KIFBP: variants seen among roughly 807,000 people sequenced by gnomAD.
KIFBP encodes KIF-binding protein.
A neutral mutation model predicts 58.9 loss-of-function variants in KIFBP; 46 were observed. The ratio of observed to expected loss-of-function variants is 0.78; its 90% CI spans 0.62 to 1.00. The LOEUF is 1.00. Ranked by LOEUF, KIFBP falls within the 50% of genes least tolerant of loss-of-function variation. KIFBP has a pLI of 0.00. For missense variants in KIFBP, 651 were observed against 752.9 expected (o/e 0.86, Z 1.58); for synonymous variants, 241 against 283.4 (o/e 0.85, Z 1.50).
At position 69,002,228 on chromosome 10, in the gene KIFBP, C is replaced by T. The variant is rs188413353; in HGVS notation, c.525+1706C>T. ...AGGCTGGAGTGCAGTGGCGTGATCTCGGCTCACTGCAACCTCCACCTCTTG... is the reference window on the plus strand; with the variant it reads ...AGGCTGGAGTGCAGTGGCGTGATCTTGGCTCACTGCAACCTCCACCTCTTG... On this transcript the variant is annotated intron_variant, in intron 2 of 6. Coordinates refer to ENST00000361983, the MANE Select transcript of KIFBP (RefSeq NM_015634.4). Among the ~76,000 whole-genome samples the T allele has an allele frequency of 4.7e-4, 71 of 151,438 alleles. No homozygotes were observed. The Middle Eastern group carries it at 0.017, about 36-fold the overall frequency.
rs758386573 is a variant in KIFBP at position 69,005,846 on chromosome 10, G to A, written c.720G>A (p.Glu240=). ...YCHSTLKRQL[E]HNAYHPIEWA... is the part of the protein sequence containing the mutation. ...ATAGTACACTAAAACGCCAGCTTGA[G>A]CACAATGCCTACCATCCTATAGAGT... is the stretch of plus-strand genomic sequence containing the variant. The change falls in exon 4 of 7, where the codon GAG becomes GAA. Residue 240 remains glutamate (E), a synonymous_variant. Transcript: ENST00000361983. 6.2e-7 allele frequency: 1 copy of A among 1,614,116 alleles called. No individual in the cohort carries two copies. Among genetic ancestry groups the A allele is most frequent in the Non-Finnish European group, 8.5e-7 (1 of 1,180,026 alleles).
chr10:69,003,231 CATAAA>C (rs1186369001), intron 2 of KIFBP, among the ~76,000 whole-genome samples: 3 of 152,080 alleles, frequency 2.0e-5, no homozygotes. Context: ...GAAGTATGTA[CATAAA>C]ATAATATATT....
chr10:69,008,391 A>AAAATATATATATATATATAT, intron 4 of KIFBP, among the ~76,000 whole-genome samples: 1 of 71,586 alleles, frequency 1.4e-5, no homozygotes, highest in African/African-American at 7.8e-5. Flanking sequence ...AAAAAAAAAA[A>AAAATATATATATATATATAT]ATATATATAT....
At chr10:69,010,784 T>G in intron 5 of KIFBP, 116 bp from the exon 6 acceptor site, 1 of 723,600 alleles carries the variant, frequency 1.4e-6, no homozygotes, top group East Asian at 2.7e-5. Flanking sequence ...GCCCCCTGCT[T>G]CAGTAAAGAT....
Position 69,016,231 on chromosome 10 carries a change from G to C in KIFBP, c.1681G>C (p.Asp561His). Residue 561 changes from aspartate (D) to histidine (H), a missense_variant, in exon 7 of 7, where the codon GAT (aspartate) becomes CAT (histidine). By Grantham distance (81) the Asp-to-His change is moderately conservative (BLOSUM62 -1). Transcript: ENST00000361983. ...ARLYGKIITA[D>H]PKKELENLAT... ...TCTCTATGGCAAAATCATTACTGCAGATCCCAAGAAAGAGCTGGAAAATTT... is the reference window on the plus strand; with the variant it reads ...TCTCTATGGCAAAATCATTACTGCACATCCCAAGAAAGAGCTGGAAAATTT... 1 of 1,606,734 alleles carries C rather than the reference G, an allele frequency of 6.2e-7. No individual in the cohort carries two copies. The highest frequency in any genetic ancestry group is 1.7e-4 in the Middle Eastern group (1 of 5,996).
At chr10:69,001,634 C>T (rs974217181) in intron 2 of KIFBP, among the ~76,000 whole-genome samples, 1 of 152,098 alleles carries the variant, frequency 6.6e-6, no homozygotes, top group African/African-American at 2.4e-5. Flanking sequence ...CGCCTGTAGT[C>T]CCAGCTACTC....
At chr10:68,992,682 T>C (rs951312129) in intron 1 of KIFBP, among the ~76,000 whole-genome samples, 2 of 152,206 alleles carry the variant, frequency 1.3e-5, no homozygotes, top group African/African-American at 4.8e-5. Context: ...TTACTTTTTT[T>C]GAAGAGGAGG....
intron 4 of KIFBP, chr10:69,007,558 A>G (rs914947370): frequency 5.9e-5 from 9 of 152,232 alleles, no homozygotes; most frequent in Admixed American, 3.3e-4. Context: ...TAGAGAGATA[A>G]TTAAAGTTTC....
At chr10:69,004,091 G>A (rs531551906) in intron 2 of KIFBP, among the ~76,000 whole-genome samples, 53 of 152,010 alleles carry the variant, frequency 3.5e-4, no homozygotes, top group African/African-American at 1.2e-3. Context: ...GTGGTGGCAC[G>A]TGTCTGTAAT....
chr10:69,008,391 A>AAAAAAAAT, intron 4 of KIFBP, among the ~76,000 whole-genome samples: 2 of 71,592 alleles, frequency 2.8e-5, no homozygotes, highest in Non-Finnish European at 4.8e-5. Context: ...AAAAAAAAAA[A>AAAAAAAAT]ATATATATAT....
chr10:69,001,891 T>C (rs1843470505), intron 2 of KIFBP, among the ~76,000 whole-genome samples: 1 of 152,050 alleles, frequency 6.6e-6, no homozygotes, highest in Non-Finnish European at 1.5e-5. Flanking sequence ...TGCAAAAGGA[T>C]ATAAGAAGCT....
At chr10:68,995,801 G>A (rs1843396989) in intron 1 of KIFBP, among the ~76,000 whole-genome samples, 1 of 152,158 alleles carries the variant, frequency 6.6e-6, no homozygotes, top group Non-Finnish European at 1.5e-5. Flanking sequence ...ATATGTGAAA[G>A]ATGCAAGACC....
intron 1 of KIFBP, among the ~76,000 whole-genome samples, chr10:68,995,491 ACTC>A (rs34014765): frequency 0.11 from 17,414 of 151,944 alleles, 1,229 homozygotes; most frequent in Admixed American, 0.18. Flanking sequence ...CCTGGGATAA[ACTC>A]CATTTGGTCG....
intron 6 of KIFBP, among the ~76,000 whole-genome samples, chr10:69,014,725 C>A (rs368684091): frequency 2.2e-4 from 31 of 143,462 alleles, no homozygotes; most frequent in African/African-American, 4.0e-4. Flanking sequence ...TGCCCCCCCC[C>A]ACCCCCAAGA....
intron 2 of KIFBP, 43 bp downstream of exon 2, chr10:69,000,565 A>G (rs1445474842): frequency 2.5e-6 from 3 of 1,182,626 alleles, no homozygotes; most frequent in Non-Finnish European, 2.5e-6. Flanking sequence ...GATTGAAACT[A>G]GTTAAGAATT....
intron 1 of KIFBP, among the ~76,000 whole-genome samples, chr10:68,994,331 A>G (rs1417313131): frequency 6.6e-6 from 1 of 152,192 alleles, no homozygotes; most frequent in East Asian, 1.9e-4. Flanking sequence ...ATGTGTGTGT[A>G]TATGGAAGAG....
chr10:68,989,568 A>G, intron 1 of KIFBP: 5 of 492,072 alleles, frequency 1.0e-5, no homozygotes, highest in East Asian at 3.7e-5. Context: ...ACCCTCCTAC[A>G]TCGTCATGCG....
intron 6 of KIFBP, among the ~76,000 whole-genome samples, chr10:69,011,761 C>T (rs1457050083): frequency 6.2e-5 from 8 of 129,726 alleles, no homozygotes; most frequent in East Asian, 2.4e-4. Context: ...GTGGTGTGAT[C>T]GCAGCTGCAA....
At chr10:69,005,531 C>A (rs1843523725) in intron 3 of KIFBP, among the ~76,000 whole-genome samples, 1 of 152,090 alleles carries the variant, frequency 6.6e-6, no homozygotes. Context: ...CAAAAATTAG[C>A]CAGGCATGGT....
Sources: allele counts gnomAD v4.1 joint callset (sites outside exome capture counted in the v4.1 genomes callset), GRCh38; gene constraint gnomAD v4.1.1; transcripts MANE v1.5; gene names NCBI Gene and HGNC (gene_info 2026-07-23, HGNC 2026-07-21).